Variants in WDPCP observed in about 807,000 individuals in gnomAD.
WDPCP encodes the protein WD repeat containing planar cell polarity effector.
WDPCP carries 71 observed loss-of-function variants against 93.1 expected under a neutral mutation model. The observed-to-expected ratio is 0.76, with a 90% CI of 0.63 to 0.93. The LOEUF is 0.93. Among genes scored for constraint, WDPCP ranks in the 40% least tolerant of loss-of-function variants. The pLI is 0.00. For missense variants in WDPCP, 844 were observed against 887.4 expected (o/e 0.95, Z 0.62); for synonymous variants, 315 against 315.0 (o/e 1.00, Z 0.00).
At chr2:63,642,813 CCTTCT>C (rs1320754616) in intron 3 of WDPCP, 1 of 152,106 alleles carries the variant, frequency 6.6e-6, no homozygotes, top group Non-Finnish European at 1.5e-5. Context: ...CCCTTTATTT[CCTTCT>C]CTTCTCTGAT....
chr2:63,617,249 A>G (rs1273186958), intron 3 of WDPCP, among the ~76,000 whole-genome samples: 1 of 152,234 alleles, frequency 6.6e-6, no homozygotes. Context: ...TATGAAATTG[A>G]AAATAAGGAT....
At chr2:63,262,871 C>G (rs892683121) in intron 13 of WDPCP, among the ~76,000 whole-genome samples, 7 of 152,192 alleles carry the variant, frequency 4.6e-5, no homozygotes, top group Admixed American at 2.0e-4. Flanking sequence ...CCTTCTGCTT[C>G]AGTCTCCTGA....
chr2:63,191,416 G>T (rs945134966), intron 14 of WDPCP, among the ~76,000 whole-genome samples: 3 of 152,048 alleles, frequency 2.0e-5, no homozygotes, highest in Non-Finnish European at 2.9e-5. Context: ...AAAAAATTGG[G>T]ACATTTAGGT....
At chr2:63,479,897 C>G (rs972545536) in intron 6 of WDPCP, among the ~76,000 whole-genome samples, 1 of 151,974 alleles carries the variant, frequency 6.6e-6, no homozygotes, top group African/African-American at 2.4e-5. Flanking sequence ...CAGACAAGAG[C>G]AACAAATCAA....
intron 10 of WDPCP, among the ~76,000 whole-genome samples, chr2:63,397,457 G>A (rs1343723075): frequency 6.6e-6 from 1 of 152,136 alleles, no homozygotes; most frequent in African/African-American, 2.4e-5. Flanking sequence ...TGGATGTGGA[G>A]TCAGGAATGG....
intron 9 of WDPCP, among the ~76,000 whole-genome samples, chr2:63,409,683 TAGAG>T (rs1458984997): frequency 6.6e-6 from 1 of 151,906 alleles, no homozygotes; most frequent in Non-Finnish European, 1.5e-5. Flanking sequence ...TTCAAGGAAA[TAGAG>T]AGCTTAAAGA....
chr2:63,661,530 A>G (rs1030498415), intron 2 of WDPCP, among the ~76,000 whole-genome samples: 1 of 152,244 alleles, frequency 6.6e-6, no homozygotes, highest in Non-Finnish European at 1.5e-5. Context: ...AAATAATGAT[A>G]GAATGAACAT....
chr2:63,824,384 CAA>C (rs67700613), intron 1 of WDPCP, among the ~76,000 whole-genome samples: 3,451 of 144,180 alleles, frequency 0.024, 70 homozygotes, highest in Admixed American at 0.058. Flanking sequence ...CCTATCTCTA[CAA>C]AAAAAAAAAA....
At chr2:63,510,349 G>A (rs746464463) in intron 1 of WDPCP, among the ~76,000 whole-genome samples, 3 of 152,138 alleles carry the variant, frequency 2.0e-5, no homozygotes, top group Admixed American at 1.3e-4. Context: ...TATCTCAATA[G>A]ATGCAGAAAA....
At chr2:63,320,441 T>A (rs1686995949) in intron 12 of WDPCP, among the ~76,000 whole-genome samples, 1 of 152,194 alleles carries the variant, frequency 6.6e-6, no homozygotes, top group African/African-American at 2.4e-5. Flanking sequence ...ATTACCTTTA[T>A]TTAATATACA....
At chr2:63,201,452 C>A (rs936086667) in intron 14 of WDPCP, among the ~76,000 whole-genome samples, 18 of 152,192 alleles carry the variant, frequency 1.2e-4, no homozygotes, top group African/African-American at 4.3e-4. Flanking sequence ...TTGGATTCCA[C>A]ATGCTAATAC....
intron 14 of WDPCP, among the ~76,000 whole-genome samples, chr2:63,201,046 G>A (rs2104330315): frequency 6.6e-6 from 1 of 152,276 alleles, no homozygotes; most frequent in African/African-American, 2.4e-5. Flanking sequence ...CCCAATGTTG[G>A]AGGAGGAGCC....
intron 3 of WDPCP, among the ~76,000 whole-genome samples, chr2:63,593,866 G>A (rs200466667): frequency 1.3e-5 from 2 of 151,886 alleles, no homozygotes; most frequent in Non-Finnish European, 1.5e-5. Flanking sequence ...TCTGTATTTT[G>A]TTCAGGAACT....
At chr2:63,382,653 A>T (rs749353123) in intron 10 of WDPCP, among the ~76,000 whole-genome samples, 9 of 152,130 alleles carry the variant, frequency 5.9e-5, no homozygotes, top group Non-Finnish European at 1.2e-4. Context: ...AATTCTTTTT[A>T]TTACTATCAT....
At chr2:63,428,439 AT>A (rs1696483291) in intron 9 of WDPCP, among the ~76,000 whole-genome samples, 1 of 152,200 alleles carries the variant, frequency 6.6e-6, no homozygotes, top group African/African-American at 2.4e-5. Context: ...ACATACACAA[AT>A]CGATAAATGT....
At chr2:63,730,612 C>T (rs146613590) in intron 2 of WDPCP, among the ~76,000 whole-genome samples, 4 of 152,180 alleles carry the variant, frequency 2.6e-5, no homozygotes, top group East Asian at 3.9e-4. Flanking sequence ...TACAGGTGCC[C>T]ACCACCATAC....
chr2:63,665,120 AT>A (rs1247965898), intron 2 of WDPCP, among the ~76,000 whole-genome samples: 1 of 152,230 alleles, frequency 6.6e-6, no homozygotes, highest in Non-Finnish European at 1.5e-5. Context: ...GTTTAAAGGA[AT>A]TATGGTTCTA....
intron 17 of WDPCP, among the ~76,000 whole-genome samples, chr2:63,129,142 A>G (rs377009350): frequency 3.5e-4 from 54 of 152,366 alleles, no homozygotes; most frequent in African/African-American, 1.2e-3. Flanking sequence ...ATATTTCATT[A>G]TATGTATATA....
chr2:63,675,188 C>G (rs1426733686), intron 2 of WDPCP, among the ~76,000 whole-genome samples: 1 of 152,116 alleles, frequency 6.6e-6, no homozygotes, highest in East Asian at 1.9e-4. Context: ...GAGACTCTGC[C>G]AAGCCCCTCT....
Sources: gnomAD v4.1 joint callset for allele counts (sites outside exome capture counted in the v4.1 genomes callset) on GRCh38, gnomAD v4.1.1 for gene constraint, MANE v1.5 for transcripts, NCBI Gene and HGNC (gene_info 2026-07-23, HGNC 2026-07-21) for gene names.